Variants in TXLNB observed in about 807,000 individuals in gnomAD.
TXLNB encodes the protein beta-taxilin.
A neutral mutation model predicts 57.4 loss-of-function variants in TXLNB; 37 were observed. The ratio of observed to expected loss-of-function variants is 0.64; its 90% confidence interval spans 0.50 to 0.85. The LOEUF (loss-of-function observed/expected upper bound fraction) is 0.85. TXLNB is among the 40% of genes least tolerant of loss of function. The pLI, the probability that TXLNB is intolerant of heterozygous loss-of-function variation, is 0.00. For synonymous variants in TXLNB, 302 were observed against 309.6 expected, an observed-to-expected ratio of 0.98 and a Z score of 0.26; for missense variants, 848 against 825.6, an observed-to-expected ratio of 1.03 and a Z score of -0.33.
At chr6:139,160,270 C>T in the TXLNB span, among the ~76,000 whole-genome samples, 1 of 152,184 alleles carries the variant, frequency 6.6e-6, no homozygotes, top group Admixed American at 6.5e-5. Flanking sequence ...AATGCCAACT[C>T]TGTGTAAAGG....
At chr6:139,259,326 T>C (rs1354826410) in intron 6 of TXLNB, among the ~76,000 whole-genome samples, 1 of 152,242 alleles carries the variant, frequency 6.6e-6, no homozygotes. Context: ...AAATAACTTT[T>C]TAAGCCCTAC....
chr6:139,165,567 AC>A, the TXLNB span, among the ~76,000 whole-genome samples: 127 of 130,712 alleles, frequency 9.7e-4, no homozygotes, highest in African/African-American at 3.0e-3. Flanking sequence ...CTCATCCCCC[AC>A]CCCCTGTGGC....
the TXLNB span, chr6:139,166,732 C>T: frequency 6.2e-7 from 1 of 1,613,012 alleles, no homozygotes; most frequent in Middle Eastern, 1.7e-4. Context: ...ACGACCTCCC[C>T]CGCCGGCATT....
chr6:139,314,733 C>A, the TXLNB span, among the ~76,000 whole-genome samples: 1 of 152,172 alleles, frequency 6.6e-6, no homozygotes, highest in Admixed American at 6.5e-5. Context: ...ACCGCCTTTG[C>A]AAAATTATAA....
intron 4 of TXLNB, chr6:139,268,843 T>G (rs1323319792): frequency 6.6e-6 from 1 of 152,194 alleles, no homozygotes; most frequent in African/African-American, 2.4e-5. Context: ...CATTCTGTCT[T>G]TGTTTTTTTG....
chr6:139,162,466 T>C, the TXLNB span, among the ~76,000 whole-genome samples: 34 of 152,348 alleles, frequency 2.2e-4, no homozygotes, highest in African/African-American at 8.2e-4. Flanking sequence ...TCCAAGAGCA[T>C]GCAGCTCATA....
In TXLNB at chr6:139,270,525, T is replaced by C. The variant is rs760402811; in HGVS notation, c.618A>G (p.Arg206=). Residue 206 remains arginine (R), a synonymous_variant, in exon 4 of 10, where the codon AGA becomes AGG. Coordinates refer to ENST00000358430, the MANE Select transcript of TXLNB (RefSeq NM_153235.4). ...CCAATTTGCTTCGAGCGAGGATAGC[T>C]CTGCTGTGTTCACCTTGTAACTGGT... ...EKDQLQGEHS[R]AILARSKLES... is the part of the protein sequence containing the mutation. 1 of 1,614,198 alleles carries C rather than the reference T, an allele frequency of 6.2e-7. No individual in the cohort carries two copies. The highest frequency in any genetic ancestry group is 8.5e-7 in the Non-Finnish European group (1 of 1,180,022).
At chr6:139,183,937 A>ACT in the TXLNB span, among the ~76,000 whole-genome samples, 1 of 151,724 alleles carries the variant, frequency 6.6e-6, no homozygotes, top group Non-Finnish European at 1.5e-5. Flanking sequence ...AAACACAAGG[A>ACT]CTAGGGTCAT....
the TXLNB span, among the ~76,000 whole-genome samples, chr6:139,161,991 C>T: frequency 6.6e-6 from 1 of 152,206 alleles, no homozygotes; most frequent in Non-Finnish European, 1.5e-5. Flanking sequence ...TCTAGGATTA[C>T]AGCTCTCTTT....
At chr6:139,323,430 G>C in the TXLNB span, among the ~76,000 whole-genome samples, 2 of 151,776 alleles carry the variant, frequency 1.3e-5, no homozygotes, top group Non-Finnish European at 2.9e-5. Flanking sequence ...CTACAGGTGC[G>C]TGCCACCACG....
the TXLNB span, among the ~76,000 whole-genome samples, chr6:139,212,629 T>C: frequency 6.6e-6 from 1 of 152,038 alleles, no homozygotes; most frequent in African/African-American, 2.4e-5. Context: ...CACATAACAA[T>C]ACTAACCTTA....
the TXLNB span, among the ~76,000 whole-genome samples, chr6:139,215,159 C>T: frequency 4.9e-4 from 74 of 152,210 alleles, no homozygotes; most frequent in South Asian, 2.1e-3. Flanking sequence ...AAAAAAAGCC[C>T]GCATTGCCAA....
intron 2 of TXLNB, among the ~76,000 whole-genome samples, chr6:139,278,468 G>T (rs757131536): frequency 3.3e-5 from 5 of 152,146 alleles, no homozygotes; most frequent in Non-Finnish European, 7.4e-5. Flanking sequence ...AATCACTGAC[G>T]CCTCGCCCCT....
chr6:139,281,308 A>T (rs566336829), intron 2 of TXLNB, among the ~76,000 whole-genome samples: 1 of 152,178 alleles, frequency 6.6e-6, no homozygotes, highest in Non-Finnish European at 1.5e-5. Flanking sequence ...TTTTTAATTT[A>T]CAAAGGTTCT....
In TXLNB at chr6:139,288,844, C is replaced by T. The variant is rs989842073; in HGVS notation, c.56G>A (p.Gly19Asp). The T allele has an allele frequency of 3.1e-6, 5 of 1,614,176 alleles. No individual in the cohort carries two copies. Among genetic ancestry groups the T allele is most frequent in the African/African-American group, 1.3e-5 (1 of 75,038 alleles). Residue 19 changes from glycine (G) to aspartate (D), a missense_variant, in exon 2 of 10, where the codon GGT (glycine) becomes GAT (aspartate). By Grantham distance (94) the Gly-to-Asp change is moderately conservative. Coordinates refer to ENST00000358430, the MANE Select transcript of TXLNB (RefSeq NM_153235.4). ...LSAERQSTPP[G>D]DSSSLPSHNG... ...GTGACTGGGTAATGATGAACTGTCA[C>T]CTGGAGGTGTTGACTGTCGTTCCGC...
chr6:139,287,837 T>G (rs1777211346), intron 2 of TXLNB, among the ~76,000 whole-genome samples: 1 of 152,008 alleles, frequency 6.6e-6, no homozygotes, highest in African/African-American at 2.4e-5. Flanking sequence ...TTTTCCCGTT[T>G]TTGCACTTCT....
the TXLNB span, chr6:139,177,121 A>C: frequency 1.2e-6 from 1 of 833,948 alleles, no homozygotes; most frequent in African/African-American, 1.7e-5. This position sits in a 1 kb window ranked among gnomAD's most constrained non-coding sequence, Gnocchi z 4.9. Context: ...GCTTTGCTTT[A>C]GTAATAGCTA....
chr6:139,287,290 A>G (rs1777199768), intron 2 of TXLNB: 1 of 152,260 alleles, frequency 6.6e-6, no homozygotes, highest in Admixed American at 6.5e-5. Flanking sequence ...CCCCTATTAA[A>G]TATTTCTTTC....
the TXLNB span, among the ~76,000 whole-genome samples, chr6:139,217,556 T>G: frequency 6.6e-6 from 1 of 152,168 alleles, no homozygotes; most frequent in Admixed American, 6.5e-5. Flanking sequence ...CATATAATTT[T>G]CACAGTAGTA....
Sources: allele counts gnomAD v4.1 joint callset (sites outside exome capture counted in the v4.1 genomes callset), GRCh38; gene constraint gnomAD v4.1.1; non-coding constraint Gnocchi (gnomAD v3.1); transcripts MANE v1.5; gene names NCBI Gene and HGNC (gene_info 2026-07-23, HGNC 2026-07-21).